WDR76: variants seen among roughly 807,000 people sequenced by gnomAD.
The protein encoded by WDR76 is WD repeat domain 76.
WDR76 carries 52 observed loss-of-function variants against 70.2 expected under a neutral mutation model. That is an observed-to-expected ratio of 0.74 (90% CI 0.59 to 0.93). The LOEUF (loss-of-function observed/expected upper bound fraction) is 0.93. Among genes scored for constraint, WDR76 ranks in the 40% least tolerant of loss-of-function variants. WDR76 has a pLI of 0.00. For missense variants in WDR76, 756 were observed against 760.2 expected, an observed-to-expected ratio of 0.99 and a Z score of 0.07; for synonymous variants, 292 against 271.1, an observed-to-expected ratio of 1.08 and a Z score of -0.76.
intron 11 of WDR76, among the ~76,000 whole-genome samples, chr15:43,859,125 G>T (rs1463710121): frequency 1.3e-5 from 2 of 152,158 alleles, no homozygotes; most frequent in African/African-American, 4.8e-5. Flanking sequence ...TCCTGAAAAG[G>T]AGATAATTTT....
intron 9 of WDR76, among the ~76,000 whole-genome samples, chr15:43,854,751 C>A (rs1409430810): frequency 6.6e-6 from 1 of 151,792 alleles, no homozygotes; most frequent in Non-Finnish European, 1.5e-5. Context: ...GAGTTCGAGA[C>A]CAGCCTGGCC....
At chr15:43,851,386 C>A in intron 9 of WDR76, 141 bp downstream of exon 9, 1 of 1,171,008 alleles carries the variant, frequency 8.5e-7, no homozygotes, top group Non-Finnish European at 1.2e-6. Context: ...GTTCAAATCC[C>A]AGATCATCTG....
At chr15:43,832,518 T>C (rs1351412891) in intron 2 of WDR76, among the ~76,000 whole-genome samples, 1 of 152,006 alleles carries the variant, frequency 6.6e-6, no homozygotes. Flanking sequence ...CAGTCTTGCC[T>C]CACTGCAACC....
intron 3 of WDR76, 100 bp from the exon 4 acceptor site, chr15:43,836,061 A>G: frequency 1.9e-6 from 2 of 1,060,074 alleles, no homozygotes; most frequent in South Asian, 2.0e-5. Context: ...TAGTTCCTGA[A>G]TAGACCTTAG....
intron 9 of WDR76, among the ~76,000 whole-genome samples, chr15:43,851,824 A>G (rs1440661183): frequency 1.3e-5 from 2 of 152,092 alleles, no homozygotes; most frequent in Non-Finnish European, 2.9e-5. Flanking sequence ...AGTCTCAGCT[A>G]CTCAGGAGGC....
intron 9 of WDR76, among the ~76,000 whole-genome samples, chr15:43,856,326 C>CA (rs57833146): frequency 0.19 from 28,487 of 152,082 alleles, 4,020 homozygotes; most frequent in African/African-American, 0.39. Context: ...GATTAACTGT[C>CA]AAAAATGTAT....
At chr15:43,835,752 G>A (rs982478682) in intron 3 of WDR76, among the ~76,000 whole-genome samples, 6 of 150,020 alleles carry the variant, frequency 4.0e-5, no homozygotes, top group Admixed American at 1.3e-4. Flanking sequence ...TCTGCCTCCC[G>A]GGTTCAAGTG....
Position 43,828,136 on chromosome 15 carries a change from G to C in WDR76, c.232G>C (p.Glu78Gln). The C allele has an allele frequency of 6.2e-7, 1 of 1,614,152 alleles. No individual in the cohort carries two copies. The highest frequency in any genetic ancestry group is 8.5e-7 in the Non-Finnish European group (1 of 1,180,034). ...KSLSEKNSNN[E>Q]VACKKTKIKK... ...CCTATCAGAAAAGAATTCTAACAATGAAGTGGCGTGTAAGAAGACTAAAAT... is the reference window on the plus strand; with the variant it reads ...CCTATCAGAAAAGAATTCTAACAATCAAGTGGCGTGTAAGAAGACTAAAAT... Residue 78 changes from glutamate to glutamine, a missense_variant, in exon 2 of 13, where the codon GAA (glutamate) becomes CAA (glutamine). By Grantham distance (29) the Glu-to-Gln change is conservative. Coordinates refer to ENST00000263795, the MANE Select transcript of WDR76 (RefSeq NM_024908.4).
At position 43,851,174 on chromosome 15, in the gene WDR76, G is replaced by A; in HGVS notation, c.1120G>A (p.Ala374Thr). The change falls in exon 9 of 13, where the codon GCC becomes ACC. Residue 374 changes from alanine to threonine, a missense_variant. Ala to Thr is a moderately conservative substitution (Grantham distance 58). Coordinates refer to ENST00000263795, the MANE Select transcript of WDR76 (RefSeq NM_024908.4). ...SCLYFSPANP[A>T]HILSLSYDGT... ...TCTTTACTTCTCACCCGCCAATCCG[G>A]CCCACATACTGTCACTGAGCTATGA... The A allele has an allele frequency of 6.2e-7, 1 of 1,614,092 alleles. No homozygotes were observed. Among genetic ancestry groups the A allele is most frequent in the South Asian group, 1.1e-5 (1 of 91,074 alleles).
chr15:43,857,553 C>T (rs968397535), intron 10 of WDR76: 4 of 985,204 alleles, frequency 4.1e-6, no homozygotes, highest in Non-Finnish European at 4.8e-6. Context: ...GGCGTGGTGG[C>T]TCATGCCTGT....
chr15:43,827,219 G>C (rs183565527), intron 1 of WDR76, 127 bp downstream of exon 1: 58 of 1,141,102 alleles, frequency 5.1e-5, no homozygotes, highest in Non-Finnish European at 7.1e-5. Context: ...CCTGCCCTTA[G>C]GCCTTCAGCT....
At chr15:43,845,014 T>C in intron 8 of WDR76, among the ~76,000 whole-genome samples, 1 of 127,830 alleles carries the variant, frequency 7.8e-6, no homozygotes, top group African/African-American at 2.8e-5. Flanking sequence ...CAGGCTGGAG[T>C]GCAGTGGTGT....
chr15:43,864,737 G>A (rs928180786), intron 12 of WDR76, among the ~76,000 whole-genome samples: 32 of 151,466 alleles, frequency 2.1e-4, no homozygotes, highest in Non-Finnish European at 4.1e-4. Flanking sequence ...TGGATTACAG[G>A]CATGAGCCAC....
chr15:43,842,778 C>A, intron 7 of WDR76, 107 bp downstream of exon 7: 1 of 1,026,062 alleles, frequency 9.7e-7, no homozygotes, highest in Non-Finnish European at 1.4e-6. Flanking sequence ...ATGTTTCCAC[C>A]CTAACAACTG....
rs2087647342 is a variant in WDR76 at position 43,835,707 on chromosome 15, G to T, written c.553-454G>T. ...GAGTTTTGCTCTTGTTGCCCAGGCT[G>T]GAGTGCAATGGCACGATCTTGGCTC... On this transcript the variant is annotated intron_variant, in intron 3 of 12. Coordinates refer to ENST00000263795, the MANE Select transcript of WDR76 (RefSeq NM_024908.4). Among the ~76,000 whole-genome samples, 4 of 148,868 alleles carry T rather than the reference G, an allele frequency of 2.7e-5. 1 individual carries two copies. The South Asian group carries it at 8.5e-4, about 32-fold the overall frequency.
rs775100460 is a variant in WDR76 at position 43,839,594 on chromosome 15, C to T, written c.609-11C>T. 2 of 1,594,104 alleles carry T rather than the reference C, an allele frequency of 1.3e-6. No individual in the cohort carries two copies. ...TGTGAGTATAACATGAGTTTTTCCC[C>T]ACTCCTTTAGAAAGAAGCCTAAGAG... On this transcript the variant is annotated splice_polypyrimidine_tract_variant and intron_variant, in intron 4 of 12. Coordinates refer to ENST00000263795, the MANE Select transcript of WDR76 (RefSeq NM_024908.4).
intron 1 of WDR76, 58 bp downstream of exon 1, chr15:43,827,150 A>T: frequency 6.2e-7 from 1 of 1,612,546 alleles, no homozygotes; most frequent in Non-Finnish European, 8.5e-7. Flanking sequence ...TGTGAGGGTT[A>T]TGCGGGACAC....
intron 9 of WDR76, 89 bp from the exon 10 acceptor site, chr15:43,856,857 G>C (rs914274182): frequency 8.4e-7 from 1 of 1,183,550 alleles, no homozygotes; most frequent in African/African-American, 1.5e-5. Flanking sequence ...TGGGTAAAGT[G>C]TTTTATAACC....
At position 43,861,381 on chromosome 15, in the gene WDR76, C is replaced by T. The variant is rs771782342; in HGVS notation, c.1611C>T (p.Thr537=). Residue 537 remains threonine (T), a synonymous_variant, in exon 12 of 13, where the codon ACC becomes ACT. Transcript: ENST00000263795. Reference sequence around the variant, plus strand: ...CTTCTAAGATTCCGCTCCTCACCACCATCAGGTAGGCTTCTATATGCCAAA... The same window carrying T: ...CTTCTAAGATTCCGCTCCTCACCACTATCAGGTAGGCTTCTATATGCCAAA... ...CISSKIPLLT[T]IRHNTFTGRW... The T allele has an allele frequency of 5.6e-6, 9 of 1,613,822 alleles. No individual in the cohort carries two copies. Among genetic ancestry groups the T allele is most frequent in the East Asian group, 2.2e-5 (1 of 44,874 alleles).
Sources: allele counts gnomAD v4.1 joint callset (sites outside exome capture counted in the v4.1 genomes callset), GRCh38; gene constraint gnomAD v4.1.1; transcripts MANE v1.5; gene names NCBI Gene and HGNC (gene_info 2026-07-23, HGNC 2026-07-21).